Variants in LMF1 observed in about 807,000 individuals in gnomAD.
LMF1 encodes lipase maturation factor 1.
A neutral mutation model predicts 60.6 loss-of-function variants in LMF1; 68 were observed. The ratio of observed to expected loss-of-function variants is 1.12; its 90% CI spans 0.92 to 1.37. The LOEUF is 1.37. Ranked by LOEUF, LMF1 falls within the 40% of genes most tolerant of loss-of-function variation. LMF1 has a pLI of 0.00. For synonymous variants in LMF1, 418 were observed against 324.7 expected (o/e 1.29, Z -3.09); for missense variants, 948 against 767.2 (o/e 1.24, Z -2.78).
chr16:924,797 A>C (rs1354224266), intron 3 of LMF1, among the ~76,000 whole-genome samples: 2 of 152,274 alleles, frequency 1.3e-5, no homozygotes, highest in Admixed American at 6.5e-5. Flanking sequence ...AATGAGCTAG[A>C]GTATATTTTA....
intron 5 of LMF1, among the ~76,000 whole-genome samples, chr16:888,336 C>G (rs1314567489): frequency 6.6e-6 from 1 of 152,206 alleles, no homozygotes; most frequent in Non-Finnish European, 1.5e-5. Flanking sequence ...CCGCAGCTTT[C>G]TAGCAACAGA....
At chr16:914,541 CTTCCCATGACCACTGGTGACACA>C (rs2071218245) in intron 3 of LMF1, among the ~76,000 whole-genome samples, 1 of 143,802 alleles carries the variant, frequency 7.0e-6, no homozygotes, top group African/African-American at 2.5e-5. Flanking sequence ...TCCCTCCCTC[CTTCCCATGACCACTGGTGACACA>C]CTCCCTCTTT....
intron 3 of LMF1, among the ~76,000 whole-genome samples, chr16:929,630 G>C (rs980636190): frequency 2.6e-5 from 4 of 152,274 alleles, no homozygotes; most frequent in Admixed American, 2.0e-4. Context: ...GCGGCAGGAA[G>C]CGGCCACATT....
intron 4 of LMF1, among the ~76,000 whole-genome samples, chr16:894,642 C>T (rs969343360): frequency 1.3e-5 from 2 of 152,208 alleles, no homozygotes; most frequent in Non-Finnish European, 2.9e-5. Flanking sequence ...GCTGCAGGTT[C>T]GGAGGCGATG....
intron 3 of LMF1, among the ~76,000 whole-genome samples, chr16:911,893 C>A (rs1295308617): frequency 6.6e-6 from 1 of 152,078 alleles, no homozygotes; most frequent in East Asian, 1.9e-4. Flanking sequence ...CCACTGGATG[C>A]GGGGGACACG....
intron 2 of LMF1, among the ~76,000 whole-genome samples, chr16:949,477 G>A (rs1281215181): frequency 2.0e-5 from 3 of 146,780 alleles, no homozygotes; most frequent in African/African-American, 2.5e-5. Flanking sequence ...CAGAGCCAAC[G>A]ACAGAGTCAG....
Position 970,787 on chromosome 16 carries a change from C to G in LMF1, c.193+1G>C. ...ATGTCCCGGGCCCGCCCGGCACTCA[C>G]AGTACACGAAGGCTAGGGCCTTCAG... On this transcript the variant is annotated splice_donor_variant, in intron 1 of 10. Transcript: ENST00000262301. LOFTEE classifies it high-confidence loss of function. The G allele has an allele frequency of 6.6e-7, 1 of 1,522,288 alleles. No individual in the cohort carries two copies. Among genetic ancestry groups the G allele is most frequent in the South Asian group, 1.2e-5 (1 of 81,240 alleles). 94.3% of individuals were successfully genotyped at this position (1,522,288 alleles called of 1,614,324 possible).
chr16:976,070 G>GC (rs1336995966), intron 1 of LMF1: 1 of 454,102 alleles, frequency 2.2e-6, no homozygotes, highest in South Asian at 1.6e-5. Context: ...GGTCTTGGCA[G>GC]CCTGAGTGGG....
At chr16:954,944 C>CGGGGTCTGTGCATACACACACACATCTAA (rs1567316181) in intron 1 of LMF1, among the ~76,000 whole-genome samples, 1 of 121,032 alleles carries the variant, frequency 8.3e-6, no homozygotes, top group Non-Finnish European at 1.7e-5. Context: ...CCGCAGCAGA[C>CGGGGTCTGTGCATACACACACACATCTAA]GCGGTGTGTG....
chr16:862,290 G>C (rs56116643), intron 10 of LMF1, among the ~76,000 whole-genome samples: 10,233 of 151,552 alleles, frequency 0.068, 968 homozygotes, highest in African/African-American at 0.22. Context: ...ATTATAGGCA[G>C]CCACCACCAT....
intron 6 of LMF1, among the ~76,000 whole-genome samples, chr16:877,665 G>A (rs142373603): frequency 1.4e-4 from 22 of 152,322 alleles, no homozygotes; most frequent in African/African-American, 4.3e-4. Context: ...AGCCGGCATC[G>A]TGAGAGGCAG....
intron 10 of LMF1, among the ~76,000 whole-genome samples, chr16:856,920 C>T (rs533996364): frequency 4.6e-5 from 7 of 152,272 alleles, no homozygotes; most frequent in African/African-American, 1.4e-4. Context: ...GCCACAGACA[C>T]GGGTCCCATC....
rs1380732470 is a variant in LMF1 at position 962,456 on chromosome 16, G to C, written c.194-7790C>G. ...AGGACAGAGCGGGCGGGAAAGCAGG[G>C]ACCTGTCAGAGGGCACACCTGGCAG... On this transcript the variant is annotated intron_variant, in intron 1 of 10. Coordinates refer to ENST00000262301, the MANE Select transcript of LMF1 (RefSeq NM_022773.4). This position sits in a 1 kb window ranked among gnomAD's most constrained non-coding sequence, Gnocchi z 4.5. Among the ~76,000 whole-genome samples, 1 of 143,974 alleles carries C rather than the reference G, an allele frequency of 6.9e-6. No homozygotes were observed. Among genetic ancestry groups the C allele is most frequent in the Non-Finnish European group, 1.5e-5 (1 of 66,350 alleles). The allele number at this position is 143,974 out of a possible 152,430, so 94.5% of individuals were successfully genotyped here.
chr16:908,871 G>T (rs1043484693), intron 4 of LMF1, among the ~76,000 whole-genome samples: 1 of 152,328 alleles, frequency 6.6e-6, no homozygotes, highest in Non-Finnish European at 1.5e-5. Flanking sequence ...CACCACCCCC[G>T]TGCGGCTGGG....
At chr16:970,179 T>G (rs2073011411) in intron 1 of LMF1, among the ~76,000 whole-genome samples, 1 of 152,200 alleles carries the variant, frequency 6.6e-6, no homozygotes, top group Admixed American at 6.5e-5. Flanking sequence ...GAAACTCCAG[T>G]CTGGCCACCA....
chr16:874,353 G>A lies in LMF1; in HGVS notation c.898-3012C>T, dbSNP rs2069905680. Among the ~76,000 whole-genome samples, 1 of 151,870 alleles carries A rather than the reference G, an allele frequency of 6.6e-6. No individual in the cohort carries two copies. The highest frequency in any genetic ancestry group is 3.4e-3 in the Middle Eastern group (1 of 294). On this transcript the variant is annotated intron_variant, in intron 6 of 10. Transcript: ENST00000262301. This position sits in a 1 kb window ranked among gnomAD's most constrained non-coding sequence, Gnocchi z 4.1. ...CAGGGCAAGGAGCCCTTTGGGCAGG[G>A]CGGGGTGGGGTGGGGCCGGACAGCC...
intron 3 of LMF1, among the ~76,000 whole-genome samples, chr16:920,027 T>C (rs1431549871): frequency 6.6e-6 from 1 of 151,160 alleles, no homozygotes; most frequent in Non-Finnish European, 1.5e-5. Flanking sequence ...GCACAACATC[T>C]GCACCGGCCC....
chr16:866,912 G>A (rs142738526), intron 10 of LMF1, among the ~76,000 whole-genome samples: 12 of 152,314 alleles, frequency 7.9e-5, no homozygotes, highest in South Asian at 2.1e-4. Flanking sequence ...CTGTGGCTCC[G>A]TCCCGAGGGC....
intron 4 of LMF1, chr16:899,354 T>C (rs1348710159): frequency 1.3e-5 from 2 of 152,220 alleles, no homozygotes; most frequent in African/African-American, 4.8e-5. Context: ...GAGTCAGAGG[T>C]CTGCCCCTTC....
Sources: allele counts gnomAD v4.1 joint callset (sites outside exome capture counted in the v4.1 genomes callset), GRCh38; gene constraint gnomAD v4.1.1; non-coding constraint Gnocchi (gnomAD v3.1); transcripts MANE v1.5; gene names NCBI Gene and HGNC (gene_info 2026-07-23, HGNC 2026-07-21).